The following HBP1 variants were observed in gnomAD, a reference collection of about 807,000 sequenced individuals.
HBP1 encodes the protein HMG-box transcription factor 1, also known as HMG box-containing protein 1.
Under a neutral mutation model 62.6 loss-of-function variants are expected in HBP1, and 20 were observed. The ratio of observed to expected loss-of-function variants is 0.32; its 90% CI spans 0.22 to 0.46. The LOEUF is 0.46. HBP1 is among the 20% of genes least tolerant of loss of function. The pLI is 1.00. For synonymous variants in HBP1, 232 were observed against 206.2 expected (o/e 1.12, Z -1.07); for missense variants, 480 against 611.8 (o/e 0.78, Z 2.27).
At chr7:107,177,782 T>C (rs957383421) in intron 1 of HBP1, among the ~76,000 whole-genome samples, 7 of 152,214 alleles carry the variant, frequency 4.6e-5, no homozygotes, top group Non-Finnish European at 1.0e-4. Context: ...AATTGGATTG[T>C]AATACATCAA....
intron 9 of HBP1, among the ~76,000 whole-genome samples, chr7:107,199,039 T>G (rs962661884): frequency 4.1e-5 from 6 of 147,762 alleles, no homozygotes; most frequent in African/African-American, 1.2e-4. Context: ...AGACTAAAAG[T>G]TTTTTTTTTA....
At chr7:107,185,662 C>A (rs1442376243) in intron 3 of HBP1, 139 bp from the exon 4 acceptor site, 9 of 567,406 alleles carry the variant, frequency 1.6e-5, no homozygotes, top group Non-Finnish European at 2.8e-5. Context: ...AAAATGAAAT[C>A]TTGCTGTCTT....
chr7:107,172,505 G>GA (rs1418866703), intron 1 of HBP1, among the ~76,000 whole-genome samples: 32 of 152,070 alleles, frequency 2.1e-4, no homozygotes, highest in African/African-American at 7.5e-4. Context: ...TTTAATATGT[G>GA]ACTTATCTTA....
chr7:107,189,508 TTA>T, intron 7 of HBP1, 60 bp downstream of exon 7: 1 of 1,312,418 alleles, frequency 7.6e-7, no homozygotes, highest in Non-Finnish European at 1.1e-6. Context: ...AAATCTGTAA[TTA>T]TGTCTGTAGC....
chr7:107,191,738 A>T (rs1163486261), intron 8 of HBP1, among the ~76,000 whole-genome samples: 3 of 152,228 alleles, frequency 2.0e-5, no homozygotes, highest in African/African-American at 7.2e-5. Flanking sequence ...TCTTGGAAAT[A>T]TACAGTATGA....
intron 8 of HBP1, among the ~76,000 whole-genome samples, chr7:107,190,934 C>G (rs1041860959): frequency 2.0e-5 from 3 of 152,164 alleles, no homozygotes; most frequent in African/African-American, 7.2e-5. Context: ...ATGGGACTTT[C>G]CTGGTTTTTG....
intron 3 of HBP1, among the ~76,000 whole-genome samples, chr7:107,183,776 A>G (rs1797226588): frequency 6.6e-6 from 1 of 152,188 alleles, no homozygotes; most frequent in Non-Finnish European, 1.5e-5. Flanking sequence ...AACATAAGAC[A>G]TAAGGAAAGG....
chr7:107,182,539 A>G lies in HBP1; in HGVS notation c.336A>G (p.Thr112=). 1 of 1,613,838 alleles carries G rather than the reference A, an allele frequency of 6.2e-7. No individual in the cohort carries two copies. The highest frequency in any genetic ancestry group is 8.5e-7 in the Non-Finnish European group (1 of 1,179,716). Residue 112 remains threonine (T), a synonymous_variant, in exon 3 of 11, where the codon ACA becomes ACG. Transcript: ENST00000222574. Reference sequence around the variant, plus strand: ...GTGAAAATGAGGTGGACTGGCTAACAGAATTGGCAAATATCGCGACCAGTC... The same window carrying G: ...GTGAAAATGAGGTGGACTGGCTAACGGAATTGGCAAATATCGCGACCAGTC... ...TYRENEVDWL[T]ELANIATSPQ...
rs1490892979 is a variant in HBP1, at chr7:107,171,068, TATATA to T, written c.-16+1884_-16+1888del. On this transcript the variant is annotated intron_variant, in intron 1 of 10. Transcript: ENST00000222574. ...ATAAATATATATATATATATATATA[TATATA>T]TTTTTTTTTTTTTTTGAGAGGGAGT... Among the ~76,000 whole-genome samples, 76 of 63,140 alleles carry T rather than the reference TATATA, an allele frequency of 1.2e-3. 6 individuals are homozygous for T. Among genetic ancestry groups the T allele is most frequent in the Middle Eastern group, 0.012 (2 of 168 alleles). 41.4% of individuals were successfully genotyped at this position (63,140 alleles called of 152,430 possible).
In HBP1 at chr7:107,169,099, G is replaced by A. The variant is rs1044231948; in HGVS notation, c.-102G>A. ...AGTAACCCGCGCGGGGGAGGCCGAC[G>A]TCGGTCGGAGAGGGGGTACGAGAGC... On this transcript the variant is annotated 5_prime_UTR_variant, in exon 1 of 11. Transcript: ENST00000222574. 2 of 1,283,460 alleles carry A rather than the reference G, an allele frequency of 1.6e-6. No individual in the cohort carries two copies. Among genetic ancestry groups the A allele is most frequent in the East Asian group, 5.6e-5 (1 of 17,784 alleles). 79.5% of individuals were successfully genotyped at this position (1,283,460 alleles called of 1,614,324 possible). A position where few individuals can be genotyped will look rare whatever the true frequency, so the allele number is the denominator to read the frequency against.
chr7:107,194,767 A>G (rs1202806015), intron 8 of HBP1, among the ~76,000 whole-genome samples: 1 of 151,802 alleles, frequency 6.6e-6, no homozygotes, highest in Non-Finnish European at 1.5e-5. Flanking sequence ...GCTGAATAAA[A>G]GGTTTCCTGC....
chr7:107,190,412 C>A, intron 8 of HBP1, 95 bp downstream of exon 8: 2 of 753,924 alleles, frequency 2.7e-6, no homozygotes, highest in Non-Finnish European at 4.2e-6. Flanking sequence ...GAAGTTCAGT[C>A]TTTAAAGATT....
chr7:107,185,742 A>G (rs537963813), intron 3 of HBP1, 59 bp from the exon 4 acceptor site: 2 of 1,357,440 alleles, frequency 1.5e-6, no homozygotes, highest in East Asian at 2.3e-5. Flanking sequence ...TCTTTCATTA[A>G]TAGGAAAGAT....
chr7:107,177,276 T>C (rs6971864), intron 1 of HBP1, among the ~76,000 whole-genome samples: 95,298 of 152,064 alleles, frequency 0.63, 32,259 homozygotes, highest in African/African-American at 0.91. Flanking sequence ...AGTGATCAAG[T>C]TGGAATCAAA....
chr7:107,193,282 G>A (rs1321646620), intron 8 of HBP1: 2 of 152,108 alleles, frequency 1.3e-5, no homozygotes, highest in Non-Finnish European at 2.9e-5. Flanking sequence ...CCTATTTGTA[G>A]ATTATATCCT....
chr7:107,196,622 AT>A (rs1258995665), intron 9 of HBP1: 10 of 242,172 alleles, frequency 4.1e-5, no homozygotes, highest in Non-Finnish European at 8.3e-5. Context: ...ATATGTAATT[AT>A]TTTATAATAC....
intron 1 of HBP1, among the ~76,000 whole-genome samples, chr7:107,170,287 T>C (rs368834530): frequency 4.1e-4 from 63 of 152,346 alleles, no homozygotes; most frequent in African/African-American, 1.4e-3. Flanking sequence ...TACTTCCCTC[T>C]GAATAGCCGT....
intron 1 of HBP1, among the ~76,000 whole-genome samples, chr7:107,179,390 T>G (rs1797004034): frequency 6.6e-6 from 1 of 152,182 alleles, no homozygotes; most frequent in Non-Finnish European, 1.5e-5. Context: ...TAGTGCTGAG[T>G]ATTCAGTTGT....
intron 6 of HBP1, 29 bp downstream of exon 6, chr7:107,186,710 C>A: frequency 7.9e-7 from 1 of 1,259,218 alleles, no homozygotes; most frequent in Non-Finnish European, 1.2e-6. Context: ...AAAAATTTTT[C>A]AAAATCTTTC....
Sources: gnomAD v4.1 joint callset for allele counts (sites outside exome capture counted in the v4.1 genomes callset) on GRCh38, gnomAD v4.1.1 for gene constraint, MANE v1.5 for transcripts, NCBI Gene and HGNC (gene_info 2026-07-23, HGNC 2026-07-21) for gene names.